FRA10AC1: variants seen among roughly 807,000 people sequenced by gnomAD.
FRA10AC1 encodes the protein FRA10A associated CGG repeat 1, also known as protein FRA10AC1.
Under a neutral mutation model 56.5 loss-of-function variants are expected in FRA10AC1, and 43 were observed. The observed-to-expected ratio is 0.76, with a 90% confidence interval of 0.60 to 0.98. FRA10AC1 has a LOEUF of 0.98. Ranked by LOEUF, FRA10AC1 falls within the 50% of genes least tolerant of loss-of-function variation. FRA10AC1 has a pLI of 0.00. For missense variants in FRA10AC1, 346 were observed against 351.8 expected (o/e 0.98, Z 0.13); for synonymous variants, 112 against 110.5 (o/e 1.01, Z -0.09).
rs146402716 is a variant in FRA10AC1 at position 93,701,188 on chromosome 10, C to T, written c.1-1082G>A. Among the ~76,000 whole-genome samples the T allele has an allele frequency of 4.6e-5, 7 of 152,204 alleles. No homozygotes were observed. The East Asian group carries it at 1.4e-3, about 29-fold the overall frequency. ...ATTGTATTGGAAGAAGCTCCTAGTT[C>T]CAGCTTTGCACTGAATTTGGAACAC... On this transcript the variant is annotated intron_variant, in intron 1 of 13. Transcript: ENST00000359204.
chr10:93,670,345 A>G (rs2058741321), intron 13 of FRA10AC1, among the ~76,000 whole-genome samples: 1 of 152,172 alleles, frequency 6.6e-6, no homozygotes, highest in Non-Finnish European at 1.5e-5. Flanking sequence ...TGAGCATAGT[A>G]AATATATTAT....
chr10:93,695,758 A>T (rs2059222425), intron 4 of FRA10AC1, among the ~76,000 whole-genome samples: 1 of 152,292 alleles, frequency 6.6e-6, no homozygotes, highest in East Asian at 1.9e-4. Flanking sequence ...GAGAGACAGA[A>T]AAACCAAATA....
At chr10:93,673,063 GA>G (rs945630748) in intron 12 of FRA10AC1, 1 of 227,002 alleles carries the variant, frequency 4.4e-6, no homozygotes, top group Non-Finnish European at 8.8e-6. Context: ...CTTATCCAAT[GA>G]ATGAACTTTC....
intron 10 of FRA10AC1, 127 bp from the exon 11 acceptor site, chr10:93,681,725 A>C: frequency 1.3e-6 from 1 of 798,698 alleles, no homozygotes; most frequent in Non-Finnish European, 1.8e-6. Flanking sequence ...TTATATAATA[A>C]GGAACGTTAA....
intron 7 of FRA10AC1, among the ~76,000 whole-genome samples, chr10:93,689,060 G>T (rs76741737): frequency 4.0e-4 from 51 of 127,012 alleles, no homozygotes; most frequent in Admixed American, 1.6e-3. Flanking sequence ...TTGTTGTGGG[G>T]TTTTTTTTTT....
In FRA10AC1 at chr10:93,685,360, CT is replaced by C. The variant is rs756350095; in HGVS notation, c.512-2del. ...TATTTATTTCCACAGAAAAATTGAC[CT>C]GCAGAAAGGAAAGGAATATTAGCTA... On this transcript the variant is annotated splice_acceptor_variant, in intron 8 of 13. Coordinates refer to ENST00000359204, the MANE Select transcript of FRA10AC1 (RefSeq NM_145246.5). LOFTEE classifies it high-confidence loss of function. 2 of 1,330,920 alleles carry C rather than the reference CT, an allele frequency of 1.5e-6. No homozygotes were observed. The highest frequency in any genetic ancestry group is 4.7e-5 in the East Asian group (2 of 42,946). The allele number at this position is 1,330,920 out of a possible 1,614,324, so 82.4% of individuals were successfully genotyped here.
At position 93,669,610 on chromosome 10, in the gene FRA10AC1, C is replaced by A; in HGVS notation, c.*216G>T. 1.9e-6 allele frequency: 1 copy of A among 523,026 alleles called. No homozygotes were observed. Among genetic ancestry groups the A allele is most frequent in the Non-Finnish European group, 3.4e-6 (1 of 293,456 alleles). The allele number at this position is 523,026 out of a possible 1,614,324, so 32.4% of individuals were successfully genotyped here. On this transcript the variant is annotated 3_prime_UTR_variant, in exon 14 of 14. Transcript: ENST00000359204. ...CAAATAAAACAGAATTGTAGATAAG[C>A]AATTGAAAAGATATTTAAAGGACAG...
intron 10 of FRA10AC1, among the ~76,000 whole-genome samples, chr10:93,683,085 G>C (rs1328716547): frequency 1.3e-5 from 2 of 152,202 alleles, no homozygotes; most frequent in Non-Finnish European, 2.9e-5. Context: ...GAATCAGTGT[G>C]AACATCTTTA....
At position 93,684,270 on chromosome 10, in the gene FRA10AC1, C is replaced by T. The variant is rs948262030; in HGVS notation, c.626-172G>A. Among the ~76,000 whole-genome samples the T allele has an allele frequency of 2.0e-5, 3 of 152,160 alleles. No individual in the cohort carries two copies. In the South Asian group the frequency reaches 6.2e-4, roughly 32 times the overall value. On this transcript the variant is annotated intron_variant, in intron 9 of 13. Transcript: ENST00000359204. Reference sequence around the variant, plus strand: ...CACCTCAAAAATGCAAATATATACACACATACATATAATAAAAATATTAGC... The same window carrying T: ...CACCTCAAAAATGCAAATATATACATACATACATATAATAAAAATATTAGC...
chr10:93,676,299 C>A (rs1351339224), intron 12 of FRA10AC1, among the ~76,000 whole-genome samples: 1 of 152,192 alleles, frequency 6.6e-6, no homozygotes, highest in Admixed American at 6.5e-5. Flanking sequence ...GAAATCCAAT[C>A]TGTTTTGATC....
chr10:93,702,771 C>T (rs1490378556), upstream of FRA10AC1, among the ~76,000 whole-genome samples: 1 of 151,950 alleles, frequency 6.6e-6, no homozygotes, highest in Non-Finnish European at 1.5e-5. Context: ...GGGCCTCCTT[C>T]CTTTCCCCTC....
intron 2 of FRA10AC1, among the ~76,000 whole-genome samples, chr10:93,699,425 G>A (rs1391797677): frequency 6.6e-6 from 1 of 152,116 alleles, no homozygotes; most frequent in Non-Finnish European, 1.5e-5. Flanking sequence ...CTGAGTCAAA[G>A]TATAAAACTG....
chr10:93,674,474 GTA>G (rs2058812508), intron 12 of FRA10AC1: 1 of 152,150 alleles, frequency 6.6e-6, no homozygotes, highest in Non-Finnish European at 1.5e-5. Flanking sequence ...CCATAACAAT[GTA>G]TATGTTTCAT....
chr10:93,680,143 C>A (rs750873534), intron 11 of FRA10AC1, among the ~76,000 whole-genome samples: 1 of 152,098 alleles, frequency 6.6e-6, no homozygotes, highest in Non-Finnish European at 1.5e-5. Context: ...GAGACTAGTT[C>A]TTTCATTTGG....
chr10:93,692,191 A>G, intron 6 of FRA10AC1, 98 bp from the exon 7 acceptor site: 1 of 824,192 alleles, frequency 1.2e-6, no homozygotes, highest in Non-Finnish European at 1.7e-6. Flanking sequence ...ATAAATATTA[A>G]TGTTTTAAGA....
intron 11 of FRA10AC1, among the ~76,000 whole-genome samples, chr10:93,680,645 A>G (rs1383052063): frequency 2.6e-5 from 4 of 152,216 alleles, no homozygotes; most frequent in African/African-American, 9.6e-5. Flanking sequence ...CATTGGCTTG[A>G]ATCTAATTCA....
rs397947381 is a variant in FRA10AC1 at position 93,693,531 on chromosome 10, C to CATATATAT, written c.297-810_297-803dup. Reference sequence around the variant, plus strand: ...ATACACCATATATATATATATACACCATATATATATATATATACACACATA... The same window carrying CATATATAT: ...ATACACCATATATATATATATACACCATATATATATATATATATATATATACACACATA... On this transcript the variant is annotated intron_variant, in intron 5 of 13. Coordinates refer to ENST00000359204, the MANE Select transcript of FRA10AC1 (RefSeq NM_145246.5). 2.4e-3 allele frequency among the ~76,000 whole-genome samples: 75 copies of CATATATAT among 30,766 alleles called. 4 individuals are homozygous for CATATATAT. Among genetic ancestry groups the CATATATAT allele is most frequent in the Admixed American group, 3.8e-3 (8 of 2,088 alleles). 20.2% of individuals were successfully genotyped at this position (30,766 alleles called of 152,430 possible). A position where few individuals can be genotyped will look rare whatever the true frequency, so the allele number is the denominator to read the frequency against.
intron 12 of FRA10AC1, 35 bp from the exon 13 acceptor site, chr10:93,670,883 A>G (rs373047052): frequency 5.1e-6 from 7 of 1,382,760 alleles, no homozygotes; most frequent in Non-Finnish European, 7.2e-6. Flanking sequence ...TTAAAAACCT[A>G]TTATACTTAA....
At chr10:93,695,139 C>T (rs1045948149) in intron 4 of FRA10AC1, among the ~76,000 whole-genome samples, 11 of 152,118 alleles carry the variant, frequency 7.2e-5, no homozygotes, top group Non-Finnish European at 1.2e-4. Flanking sequence ...AAAGTACAGG[C>T]TTTCTTTTGA....
Sources: allele counts gnomAD v4.1 joint callset (sites outside exome capture counted in the v4.1 genomes callset), GRCh38; gene constraint gnomAD v4.1.1; transcripts MANE v1.5; gene names NCBI Gene and HGNC (gene_info 2026-07-23, HGNC 2026-07-21).